Variants in ANO2 observed in about 807,000 individuals in gnomAD.
ANO2 encodes the protein anoctamin 2.
ANO2 carries 101 observed loss-of-function variants against 124.2 expected under a neutral mutation model. The observed-to-expected ratio is 0.81, with a 90% CI of 0.69 to 0.96. The LOEUF (loss-of-function observed/expected upper bound fraction) is 0.96. Among genes scored for constraint, ANO2 ranks in the 40% least tolerant of loss-of-function variants. The pLI is 0.00. For synonymous variants in ANO2, 486 were observed against 482.5 expected (o/e 1.01, Z -0.09); for missense variants, 1,293 against 1,274.5 (o/e 1.01, Z -0.22).
chr12:5,802,528 A>G (rs1416315607), intron 9 of ANO2, among the ~76,000 whole-genome samples: 1 of 152,224 alleles, frequency 6.6e-6, no homozygotes, highest in Non-Finnish European at 1.5e-5. Context: ...AAGAAGGTTT[A>G]GTCACACATA....
At chr12:5,881,806 TAAAC>T (rs1938520364) in intron 3 of ANO2, 1 of 152,240 alleles carries the variant, frequency 6.6e-6, no homozygotes, top group South Asian at 2.1e-4. Context: ...GTTCCTTTGT[TAAAC>T]AAACAATGTG....
chr12:5,621,140 G>A (rs980276364), intron 16 of ANO2, among the ~76,000 whole-genome samples: 2 of 152,028 alleles, frequency 1.3e-5, no homozygotes, highest in Admixed American at 6.5e-5. Flanking sequence ...CTGAACCCTC[G>A]CGCTCGCCAC....
intron 3 of ANO2, among the ~76,000 whole-genome samples, chr12:5,857,054 G>A (rs978455552): frequency 6.6e-6 from 1 of 152,182 alleles, no homozygotes; most frequent in Non-Finnish European, 1.5e-5. Context: ...TAGCTGATGT[G>A]ACTGGTTGTG....
intron 4 of ANO2, among the ~76,000 whole-genome samples, chr12:5,853,694 C>G (rs1295584697): frequency 6.6e-6 from 1 of 152,188 alleles, no homozygotes; most frequent in Non-Finnish European, 1.5e-5. Context: ...GCAGCCTTCT[C>G]TCATTACTCT....
At chr12:5,628,218 G>A (rs1945513534) in intron 16 of ANO2, among the ~76,000 whole-genome samples, 1 of 152,154 alleles carries the variant, frequency 6.6e-6, no homozygotes, top group African/African-American at 2.4e-5. Flanking sequence ...CTCTCTCTCT[G>A]TGCATGTGGG....
intron 16 of ANO2, among the ~76,000 whole-genome samples, chr12:5,621,542 G>C (rs1945119137): frequency 6.6e-6 from 1 of 152,200 alleles, no homozygotes; most frequent in Non-Finnish European, 1.5e-5. Context: ...GGAGGGGAAG[G>C]GCAGAGAGGA....
chr12:5,688,187 T>A (rs995377976), intron 14 of ANO2, among the ~76,000 whole-genome samples: 3 of 152,062 alleles, frequency 2.0e-5, no homozygotes, highest in African/African-American at 7.2e-5. Flanking sequence ...GTACTCCAAA[T>A]CGGGACCTGA....
intron 10 of ANO2, among the ~76,000 whole-genome samples, chr12:5,774,559 T>C (rs969142291): frequency 3.3e-5 from 5 of 152,188 alleles, no homozygotes; most frequent in African/African-American, 7.2e-5. Context: ...TTATATTTTA[T>C]GGGAAAAGTT....
chr12:5,778,492 G>T (rs1310358927), intron 10 of ANO2, among the ~76,000 whole-genome samples: 1 of 152,192 alleles, frequency 6.6e-6, no homozygotes, highest in Non-Finnish European at 1.5e-5. Flanking sequence ...TCTTGCTGCT[G>T]ATGTTTATAC....
intron 10 of ANO2, among the ~76,000 whole-genome samples, chr12:5,765,557 T>G (rs1461155529): frequency 1.3e-5 from 2 of 152,246 alleles, no homozygotes; most frequent in Non-Finnish European, 2.9e-5. Context: ...TGGGCATGAA[T>G]CTTGCCTCTG....
At chr12:5,801,728 A>T (rs887349612) in intron 9 of ANO2, among the ~76,000 whole-genome samples, 2 of 152,242 alleles carry the variant, frequency 1.3e-5, no homozygotes, top group African/African-American at 4.8e-5. Context: ...CCCAGATACA[A>T]AAGGGGTCAC....
intron 3 of ANO2, among the ~76,000 whole-genome samples, chr12:5,919,977 G>A (rs1232653211): frequency 4.0e-5 from 6 of 151,852 alleles, no homozygotes; most frequent in East Asian, 2.0e-4. Context: ...GATTACAGGC[G>A]TGAGTCACCG....
intron 15 of ANO2, among the ~76,000 whole-genome samples, chr12:5,647,204 G>A (rs377109432): frequency 1.3e-5 from 2 of 152,300 alleles, no homozygotes; most frequent in South Asian, 4.2e-4. Context: ...CCACTTTATT[G>A]ATCTAAGTCA....
intron 6 of ANO2, 127 bp from the exon 7 acceptor site, chr12:5,827,947 A>C: frequency 2.1e-6 from 2 of 973,870 alleles, no homozygotes; most frequent in Non-Finnish European, 3.0e-6. Flanking sequence ...GACGAAGCCA[A>C]GCATGTGCCT....
chr12:5,650,963 T>C (rs534651116), intron 14 of ANO2, among the ~76,000 whole-genome samples: 5 of 152,318 alleles, frequency 3.3e-5, no homozygotes, highest in African/African-American at 1.2e-4. Context: ...TCTTAGCACC[T>C]CTCTCTCCTT....
At chr12:5,699,045 C>T (rs903661619) in intron 14 of ANO2, among the ~76,000 whole-genome samples, 1 of 152,186 alleles carries the variant, frequency 6.6e-6, no homozygotes, top group African/African-American at 2.4e-5. Context: ...AGAACTTCCC[C>T]AACCTAGCAA....
chr12:5,738,751 T>C lies in ANO2; in HGVS notation c.1434+566A>G, dbSNP rs530689755. ...CAGAAGAGCTATAAGGGAAGGCTGA[T>C]TTATTTGCATTATTTAAAGATCATC... On this transcript the variant is annotated intron_variant, in intron 13 of 24. Transcript: ENST00000682330. Among the ~76,000 whole-genome samples, 5 of 152,212 alleles carry C rather than the reference T, an allele frequency of 3.3e-5. No homozygotes were observed. In the South Asian group the frequency reaches 1.0e-3, roughly 32 times the overall value.
intron 19 of ANO2, among the ~76,000 whole-genome samples, chr12:5,605,958 G>A (rs1010245389): frequency 5.3e-5 from 8 of 152,174 alleles, no homozygotes; most frequent in African/African-American, 1.9e-4. Context: ...CAAGAGCCTG[G>A]GGTTGTGTGA....
intron 19 of ANO2, among the ~76,000 whole-genome samples, chr12:5,604,440 C>G (rs767275317): frequency 6.6e-6 from 1 of 152,068 alleles, no homozygotes; most frequent in Admixed American, 6.6e-5. Flanking sequence ...GTGGAAAGAG[C>G]GGCGGAAGCC....
Sources: allele counts gnomAD v4.1 joint callset (sites outside exome capture counted in the v4.1 genomes callset), GRCh38; gene constraint gnomAD v4.1.1; transcripts MANE v1.5; gene names NCBI Gene and HGNC (gene_info 2026-07-23, HGNC 2026-07-21).